The following TSPAN7 variants were observed in gnomAD, a reference collection of about 807,000 sequenced individuals.
The protein encoded by TSPAN7 is tetraspanin 7.
A neutral mutation model predicts 17.6 loss-of-function variants in TSPAN7; 1 was observed. The ratio of observed to expected loss-of-function variants is 0.06; its 90% confidence interval spans 0.02 to 0.27. TSPAN7 has a LOEUF of 0.27. Among genes scored for constraint, TSPAN7 ranks in the 10% least tolerant of loss-of-function variants. TSPAN7 has a pLI of 1.00. For synonymous variants in TSPAN7, 78 were observed against 79.0 expected (o/e 0.99, Z 0.07); for missense variants, 112 against 201.7 (o/e 0.56, Z 2.69).
At chrX:38,562,682 GT>G (rs2069119861) in intron 1 of TSPAN7, among the ~76,000 whole-genome samples, 1 of 111,099 alleles carries the variant, frequency 9.0e-6, no homozygotes, top group Non-Finnish European at 1.9e-5. Context: ...ACTGAGAGAG[GT>G]GCGTGGTACT....
chrX:38,652,107 A>G (rs1192293564), intron 1 of TSPAN7, among the ~76,000 whole-genome samples: 1 of 111,789 alleles, frequency 8.9e-6, no homozygotes, highest in Non-Finnish European at 1.9e-5. Context: ...CTTGCTCTTA[A>G]TGTGTCAAAA....
chrX:38,631,160 C>T (rs1382735874), intron 1 of TSPAN7, among the ~76,000 whole-genome samples: 4 of 109,541 alleles, frequency 3.7e-5, no homozygotes, highest in Non-Finnish European at 5.7e-5. Flanking sequence ...TGTTTTAATT[C>T]TGGCATTTTT....
chrX:38,651,542 T>C (rs922188979), intron 1 of TSPAN7, among the ~76,000 whole-genome samples: 8 of 111,903 alleles, frequency 7.1e-5, no homozygotes, highest in Non-Finnish European at 1.3e-4. Context: ...ATTATTGTCT[T>C]TGAGTGTCAG....
chrX:38,582,392 C>A (rs934323095), intron 1 of TSPAN7, among the ~76,000 whole-genome samples: 1 of 112,151 alleles, frequency 8.9e-6, no homozygotes, highest in African/African-American at 3.2e-5. Flanking sequence ...ACTTCTATTA[C>A]TACCATCACA....
At chrX:38,608,832 T>C (rs1303778146) in intron 1 of TSPAN7, among the ~76,000 whole-genome samples, 2 of 111,752 alleles carry the variant, frequency 1.8e-5, no homozygotes, top group Non-Finnish European at 3.8e-5. Flanking sequence ...AGTCCTGCTA[T>C]CCAAATAACT....
chrX:38,561,936 T>TCAG (rs2069113772), intron 1 of TSPAN7, among the ~76,000 whole-genome samples: 1 of 112,141 alleles, frequency 8.9e-6, no homozygotes, highest in African/African-American at 3.2e-5. Context: ...CGGGATAGGG[T>TCAG]CAGCTCCTGG....
intron 1 of TSPAN7, among the ~76,000 whole-genome samples, chrX:38,621,009 G>A (rs1291346082): frequency 1.8e-5 from 2 of 112,044 alleles, no homozygotes; most frequent in Admixed American, 1.9e-4. Flanking sequence ...GACAGCCTAT[G>A]GATCTTGAAA....
At chrX:38,595,292 G>T (rs1019058242) in intron 1 of TSPAN7, among the ~76,000 whole-genome samples, 1 of 111,199 alleles carries the variant, frequency 9.0e-6, no homozygotes, top group African/African-American at 3.3e-5. Context: ...TATAGATGAG[G>T]ACATTTTCCA....
At position 38,682,453 on chromosome X, in the gene TSPAN7, C is replaced by A. The variant is rs570450629; in HGVS notation, c.681+1166C>A. Reference sequence around the variant, plus strand: ...AATGAACATAGCTGTGTAACCCTCGCTAAGATTAAGGAATAGAACTTTAGC... The same window carrying A: ...AATGAACATAGCTGTGTAACCCTCGATAAGATTAAGGAATAGAACTTTAGC... On this transcript the variant is annotated intron_variant, in intron 6 of 7. Coordinates refer to ENST00000378482, the MANE Select transcript of TSPAN7 (RefSeq NM_004615.4). 4.5e-5 allele frequency among the ~76,000 whole-genome samples: 5 copies of A among 112,235 alleles called. No individual in the cohort carries two copies. In the South Asian group the frequency reaches 1.8e-3, roughly 41 times the overall value.
At chrX:38,685,302 G>A (rs2069920820) in intron 6 of TSPAN7, among the ~76,000 whole-genome samples, 1 of 111,764 alleles carries the variant, frequency 8.9e-6, no homozygotes, top group Non-Finnish European at 1.9e-5. Context: ...AACTGAGATT[G>A]TAATATTGTA....
intron 1 of TSPAN7, among the ~76,000 whole-genome samples, chrX:38,652,678 T>A (rs1344038781): frequency 8.9e-6 from 1 of 112,480 alleles, no homozygotes; most frequent in Non-Finnish European, 1.9e-5. Context: ...AAATGGAGTA[T>A]GCCCAATAAG....
chrX:38,641,314 C>A (rs2069610491), intron 1 of TSPAN7, among the ~76,000 whole-genome samples: 1 of 112,165 alleles, frequency 8.9e-6, no homozygotes, highest in Admixed American at 9.4e-5. Flanking sequence ...GAAAACTGTG[C>A]GATACTAGTA....
chrX:38,562,430 C>G (rs2069116817), intron 1 of TSPAN7, among the ~76,000 whole-genome samples: 1 of 110,573 alleles, frequency 9.0e-6, no homozygotes, highest in South Asian at 3.9e-4. Flanking sequence ...ACTCTACTCC[C>G]CATCTATCCA....
chrX:38,661,743 G>A (rs2069746403), intron 1 of TSPAN7, among the ~76,000 whole-genome samples: 1 of 111,466 alleles, frequency 9.0e-6, no homozygotes, highest in South Asian at 3.8e-4. Context: ...ATTGATTTAG[G>A]GATTTGAGGT....
At chrX:38,687,053 G>A (rs930083101) in intron 6 of TSPAN7, among the ~76,000 whole-genome samples, 3 of 111,560 alleles carry the variant, frequency 2.7e-5, no homozygotes, top group Non-Finnish European at 5.6e-5. Flanking sequence ...TACCTCACTG[G>A]TGAATGTGCC....
chrX:38,672,254 CAG>C (rs966381172), intron 3 of TSPAN7, among the ~76,000 whole-genome samples: 2 of 109,048 alleles, frequency 1.8e-5, no homozygotes, highest in African/African-American at 6.6e-5. Flanking sequence ...AGGTGGAAAA[CAG>C]AGAGTGTTAC....
At chrX:38,580,668 A>G (rs772521980) in intron 1 of TSPAN7, among the ~76,000 whole-genome samples, 3 of 112,131 alleles carry the variant, frequency 2.7e-5, no homozygotes, top group South Asian at 7.5e-4. Context: ...AAGGTCAAGG[A>G]TAGTACTAAG....
At chrX:38,587,258 T>A (rs1422540027) in intron 1 of TSPAN7, among the ~76,000 whole-genome samples, 1 of 112,463 alleles carries the variant, frequency 8.9e-6, no homozygotes, top group African/African-American at 3.2e-5. Flanking sequence ...TCCTTACATT[T>A]TCTCCCCATT....
chrX:38,588,643 C>A (rs2069272497), intron 1 of TSPAN7, among the ~76,000 whole-genome samples: 1 of 111,800 alleles, frequency 8.9e-6, no homozygotes, highest in South Asian at 3.8e-4. Flanking sequence ...TATTTCATAA[C>A]TGAGGATGAA....
Sources: allele counts gnomAD v4.1 joint callset (sites outside exome capture counted in the v4.1 genomes callset), GRCh38; gene constraint gnomAD v4.1.1; transcripts MANE v1.5; gene names NCBI Gene and HGNC (gene_info 2026-07-23, HGNC 2026-07-21).